PHLPP1: variants seen among roughly 807,000 people sequenced by gnomAD.
The protein encoded by PHLPP1 is PH domain leucine-rich repeat-containing protein phosphatase 1.
PHLPP1 carries 42 observed loss-of-function variants against 117.2 expected under a neutral mutation model. The ratio of observed to expected loss-of-function variants is 0.36; its 90% CI spans 0.28 to 0.46. The LOEUF (loss-of-function observed/expected upper bound fraction) is 0.46, where lower values mean the gene tolerates loss of function less well. PHLPP1 is among the 20% of genes least tolerant of loss of function. PHLPP1 has a pLI of 1.00. For missense variants in PHLPP1, 2,084 were observed against 2,241.9 expected, an observed-to-expected ratio of 0.93 and a Z score of 1.42; for synonymous variants, 1,042 against 970.7, an observed-to-expected ratio of 1.07 and a Z score of -1.37.
Position 62,979,378 on chromosome 18 carries a change from C to A in PHLPP1, c.5101C>A (p.Pro1701Thr). ...PPPPQLQPQL[P>T]RHYQLDQLPD... is the part of the protein sequence containing the mutation. ...ACCCCCTCAGCTCCAGCCGCAGCTG[C>A]CGCGGCACTACCAGCTGGACCAGCT... is the stretch of plus-strand genomic sequence containing the variant. The change falls in exon 17 of 17, where the codon CCG becomes ACG. Residue 1701 changes from proline to threonine, a missense_variant. Physicochemically the swap from Pro to Thr is conservative, Grantham distance 38. Coordinates refer to ENST00000262719, the MANE Select transcript of PHLPP1 (RefSeq NM_194449.4). 1 of 1,550,408 alleles carries A rather than the reference C, an allele frequency of 6.4e-7. No individual in the cohort carries two copies. Among genetic ancestry groups the A allele is most frequent in the East Asian group, 2.4e-5 (1 of 40,934 alleles).
At chr18:62,830,014 G>A (rs1914712995) in intron 1 of PHLPP1, 21 bp from the exon 2 acceptor site, 1 of 1,579,378 alleles carries the variant, frequency 6.3e-7, no homozygotes, top group Non-Finnish European at 8.6e-7. Context: ...AGAATAACAT[G>A]TTTGCTTCTG....
chr18:62,906,503 G>A (rs1266356666), intron 8 of PHLPP1: 1 of 145,114 alleles, frequency 6.9e-6, no homozygotes, highest in Non-Finnish European at 1.5e-5. Flanking sequence ...GGAAGCGCAA[G>A]GGGTCAGGGA....
intron 4 of PHLPP1, among the ~76,000 whole-genome samples, chr18:62,867,191 C>G (rs977356188): frequency 1.3e-5 from 2 of 152,136 alleles, no homozygotes; most frequent in South Asian, 4.1e-4. Context: ...CCTAGACAAC[C>G]CTTTTGAATC....
chr18:62,979,131 T>TG lies in PHLPP1; in HGVS notation c.4857dup (p.Arg1620AlafsTer42). The TG allele has an allele frequency of 6.2e-7, 1 of 1,613,880 alleles. No homozygotes were observed. Among genetic ancestry groups the TG allele is most frequent in the Middle Eastern group, 1.6e-4 (1 of 6,062 alleles). On this transcript the variant is annotated frameshift_variant, in exon 17 of 17. Transcript: ENST00000262719. LOFTEE classifies it low-confidence loss of function (END_TRUNC). ...CAGACTTCTCTGCCGTTGGGACCAT[T>TG]GGGCGCCGGAGGGCCAATGGCTCTG... is the stretch of plus-strand genomic sequence containing the variant.
chr18:62,781,507 C>T (rs924060343), intron 1 of PHLPP1, among the ~76,000 whole-genome samples: 1 of 152,166 alleles, frequency 6.6e-6, no homozygotes, highest in Non-Finnish European at 1.5e-5. Context: ...CCTTTCCTGC[C>T]CTGGTGACCT....
intron 1 of PHLPP1, among the ~76,000 whole-genome samples, chr18:62,746,386 C>T (rs901622565): frequency 2.0e-5 from 3 of 152,180 alleles, no homozygotes; most frequent in African/African-American, 4.8e-5. Flanking sequence ...AATGTTAGCA[C>T]TTTCTTGTGT....
intron 11 of PHLPP1, among the ~76,000 whole-genome samples, chr18:62,943,152 G>A (rs1910179831): frequency 6.6e-6 from 1 of 152,154 alleles, no homozygotes; most frequent in African/African-American, 2.4e-5. Flanking sequence ...CCCGTGCCAG[G>A]TGTAATCACC....
intron 1 of PHLPP1, among the ~76,000 whole-genome samples, chr18:62,743,830 T>C (rs1303943876): frequency 6.6e-6 from 1 of 152,188 alleles, no homozygotes; most frequent in African/African-American, 2.4e-5. Context: ...CCAGGTTATT[T>C]GTCCTGTAGA....
intron 1 of PHLPP1, among the ~76,000 whole-genome samples, chr18:62,821,963 G>T (rs988208288): frequency 1.3e-5 from 2 of 152,086 alleles, no homozygotes; most frequent in African/African-American, 4.8e-5. Flanking sequence ...GAGCATGCTG[G>T]TATGTAGCTG....
intron 1 of PHLPP1, among the ~76,000 whole-genome samples, chr18:62,741,665 ATAATTGTT>A (rs2066589696): frequency 6.6e-6 from 1 of 151,432 alleles, no homozygotes; most frequent in South Asian, 2.1e-4. Flanking sequence ...ACTTTTATAA[ATAATTGTT>A]TAATTGTAAT....
chr18:62,979,357 C>T lies in PHLPP1; in HGVS notation c.5080C>T (p.Pro1694Ser). 1.3e-6 allele frequency: 2 copies of T among 1,549,620 alleles called. No individual in the cohort carries two copies. Among genetic ancestry groups the T allele is most frequent in the Non-Finnish European group, 1.7e-6 (2 of 1,144,864 alleles). The part of the protein sequence containing the change: ...QQQQQQPPPP[P>S]QLQPQLPRHY... ...GCAGCAGCAGCAGCCGCCACCACCC[C>T]CTCAGCTCCAGCCGCAGCTGCCGCG... is the stretch of plus-strand genomic sequence containing the variant. The change falls in exon 17 of 17, where the codon CCT becomes TCT. Residue 1694 changes from proline (P) to serine (S), a missense_variant. By Grantham distance (74) the Pro-to-Ser change is moderately conservative (BLOSUM62 -1). This residue lies in a region of PHLPP1 where 1,365 missense variants were observed against 1,605.9 expected (regional missense o/e 0.85). Transcript: ENST00000262719.
intron 12 of PHLPP1, among the ~76,000 whole-genome samples, chr18:62,955,746 A>G (rs1910593518): frequency 6.6e-6 from 1 of 152,246 alleles, no homozygotes; most frequent in African/African-American, 2.4e-5. Flanking sequence ...CCAATTTCAT[A>G]AAATTCAATA....
At chr18:62,927,646 G>A in intron 10 of PHLPP1, among the ~76,000 whole-genome samples, 1 of 151,770 alleles carries the variant, frequency 6.6e-6, no homozygotes, top group East Asian at 1.9e-4. Flanking sequence ...GGACATTAAA[G>A]AAACAAAGGA....
chr18:62,870,297 T>C (rs1915870052), intron 4 of PHLPP1, among the ~76,000 whole-genome samples: 1 of 152,190 alleles, frequency 6.6e-6, no homozygotes. Flanking sequence ...AATAAGTTGA[T>C]AAGTACACAC....
chr18:62,882,818 A>G (rs476909), intron 4 of PHLPP1, among the ~76,000 whole-genome samples: 1 of 152,052 alleles, frequency 6.6e-6, no homozygotes, highest in East Asian at 1.9e-4. Flanking sequence ...ATTTTATTGG[A>G]AAAGCATTAA....
intron 1 of PHLPP1, among the ~76,000 whole-genome samples, chr18:62,725,397 G>T (rs1343895425): frequency 6.6e-6 from 1 of 151,218 alleles, no homozygotes; most frequent in African/African-American, 2.4e-5. Flanking sequence ...AAATAAATAT[G>T]TATGTATTAA....
chr18:62,716,093 C>T lies in PHLPP1; in HGVS notation c.410C>T (p.Ala137Val). The T allele has an allele frequency of 1.3e-6, 2 of 1,498,652 alleles. No homozygotes were observed. The highest frequency in any genetic ancestry group is 1.8e-6 in the Non-Finnish European group (2 of 1,132,324). 92.8% of individuals were successfully genotyped at this position (1,498,652 alleles called of 1,614,324 possible). A position where few individuals can be genotyped will look rare whatever the true frequency, so the allele number is the denominator to read the frequency against. Reference sequence around the variant, plus strand: ...AATCTGTCCGCGGCCGCCGCGGCCGCCTCCTCGTCGTCGTCGTCCTCGGCC... The same window carrying T: ...AATCTGTCCGCGGCCGCCGCGGCCGTCTCCTCGTCGTCGTCGTCCTCGGCC... ...KRNLSAAAAA[A>V]SSSSSSSAAA... The change falls in exon 1 of 17, where the codon GCC becomes GTC. Residue 137 changes from alanine to valine, a missense_variant. This residue lies in a region of PHLPP1 where 719 missense variants were observed against 636.0 expected (regional missense o/e 1.13). Coordinates refer to ENST00000262719, the MANE Select transcript of PHLPP1 (RefSeq NM_194449.4). The surrounding 1 kb of genome is among the most constrained non-coding windows in gnomAD (Gnocchi z 5.7).
At chr18:62,762,011 G>A (rs1912260937) in intron 1 of PHLPP1, among the ~76,000 whole-genome samples, 1 of 152,052 alleles carries the variant, frequency 6.6e-6, no homozygotes, top group African/African-American at 2.4e-5. Context: ...AAGATCTAAA[G>A]CTTTTACTTA....
intron 1 of PHLPP1, among the ~76,000 whole-genome samples, chr18:62,745,681 A>T (rs1599022970): frequency 1.3e-5 from 2 of 152,214 alleles, no homozygotes; most frequent in Admixed American, 1.3e-4. Context: ...ACATTTTTTA[A>T]ACCATTTCAG....
Sources: allele counts gnomAD v4.1 joint callset (sites outside exome capture counted in the v4.1 genomes callset), GRCh38; gene constraint gnomAD v4.1.1; regional missense constraint gnomAD v4.1.1; non-coding constraint Gnocchi (gnomAD v3.1); transcripts MANE v1.5; gene names NCBI Gene and HGNC (gene_info 2026-07-23, HGNC 2026-07-21).